The following TRAK1 variants were observed in gnomAD, a reference collection of about 807,000 sequenced individuals.
TRAK1 encodes trafficking kinesin-binding protein 1.
TRAK1 carries 33 observed loss-of-function variants against 92.1 expected under a neutral mutation model. The observed-to-expected ratio is 0.36, with a 90% CI of 0.27 to 0.48. TRAK1 has a LOEUF of 0.48. Among genes scored for constraint, TRAK1 ranks in the 20% least tolerant of loss-of-function variants. TRAK1 has a pLI of 0.99. For synonymous variants in TRAK1, 521 were observed against 517.3 expected, an observed-to-expected ratio of 1.01 and a Z score of -0.10; for missense variants, 1,123 against 1,257.9, an observed-to-expected ratio of 0.89 and a Z score of 1.62.
At chr3:42,147,072 A>C (rs866252241) in intron 2 of TRAK1, among the ~76,000 whole-genome samples, 4 of 152,052 alleles carry the variant, frequency 2.6e-5, no homozygotes, top group Non-Finnish European at 5.9e-5. Flanking sequence ...TGAACATCTG[A>C]GGGGCTGTTT....
chr3:42,082,676 A>C (rs1386845851), upstream of TRAK1, among the ~76,000 whole-genome samples: 1 of 152,058 alleles, frequency 6.6e-6, no homozygotes, highest in Non-Finnish European at 1.5e-5. Flanking sequence ...AACACAAAAA[A>C]CCAAAATCAT....
At chr3:42,053,819 T>A (rs1203086055) in intron 1 of TRAK1, among the ~76,000 whole-genome samples, 3 of 152,290 alleles carry the variant, frequency 2.0e-5, no homozygotes, top group East Asian at 3.9e-4. Flanking sequence ...CTTTTTCTGT[T>A]ACCTTTGATG....
chr3:42,110,132 A>ATATATATATATATAT (rs58099544), intron 1 of TRAK1, among the ~76,000 whole-genome samples: 207 of 127,982 alleles, frequency 1.6e-3, no homozygotes, highest in Middle Eastern at 4.3e-3. Flanking sequence ...ATATATATAT[A>ATATATATATATATAT]AACTTTGTGT....
At position 42,223,850 on chromosome 3, in the gene TRAK1, C is replaced by G; in HGVS notation, c.*113C>G. The G allele has an allele frequency of 2.4e-6, 3 of 1,241,382 alleles. No homozygotes were observed. Among genetic ancestry groups the G allele is most frequent in the Non-Finnish European group, 2.2e-6 (2 of 890,782 alleles). 76.9% of individuals were successfully genotyped at this position (1,241,382 alleles called of 1,614,324 possible). ...CCTCCCTCTGCCCTTCTCTGTCCAC[C>G]CCCTCCTAAGCTAGACAAATCAACC... On this transcript the variant is annotated 3_prime_UTR_variant, in exon 16 of 16. Coordinates refer to ENST00000327628, the MANE Select transcript of TRAK1 (RefSeq NM_001042646.3). The surrounding 1 kb of genome is among the most constrained non-coding windows in gnomAD (Gnocchi z 6.1).
chr3:42,134,488 G>A (rs1236923279), intron 2 of TRAK1, among the ~76,000 whole-genome samples: 3 of 151,014 alleles, frequency 2.0e-5, no homozygotes, highest in African/African-American at 4.9e-5. Context: ...ATGTTGCCTC[G>A]GCTGTCTCAC....
In TRAK1 at chr3:42,219,592, C is replaced by A. The variant is rs1400618813; in HGVS notation, c.2062C>A (p.Pro688Thr). ...TTCAGATGAGCTCACTCGGGTCACA[C>A]CAAGGTAAGGGACCCTGGCTTTGGG... ...HPSDELTRVT[P>T]SLNSAPTPAC... The change falls in exon 15 of 16, where the codon CCA (proline) becomes ACA (threonine). Residue 688 changes from proline to threonine, a missense_variant. By Grantham distance (38) the Pro-to-Thr change is conservative. This residue lies in a region of TRAK1 where 401 missense variants were observed against 438.9 expected (regional missense o/e 0.91). Transcript: ENST00000327628. The A allele has an allele frequency of 6.2e-7, 1 of 1,613,038 alleles. No homozygotes were observed. Among genetic ancestry groups the A allele is most frequent in the Non-Finnish European group, 8.5e-7 (1 of 1,179,466 alleles).
At chr3:42,070,488 C>T (rs1018550219) in intron 1 of TRAK1, among the ~76,000 whole-genome samples, 4 of 151,958 alleles carry the variant, frequency 2.6e-5, no homozygotes, top group Non-Finnish European at 2.9e-5. Flanking sequence ...AGTGTGGTGG[C>T]GCCATCATGG....
chr3:42,113,785 C>T (rs1708804587), intron 1 of TRAK1, among the ~76,000 whole-genome samples: 1 of 151,744 alleles, frequency 6.6e-6, no homozygotes, highest in Non-Finnish European at 1.5e-5. Flanking sequence ...AACTCCAGGG[C>T]TCAAGTGATC....
At chr3:42,134,578 CTTT>C (rs547455969) in intron 2 of TRAK1, among the ~76,000 whole-genome samples, 1 of 76,434 alleles carries the variant, frequency 1.3e-5, no homozygotes, top group Non-Finnish European at 2.4e-5. Flanking sequence ...TGCCTGGTCT[CTTT>C]TTTTTTTTTT....
rs150458987 is a variant in TRAK1 at position 42,143,054 on chromosome 3, T to C, written c.286+17440T>C. Among the ~76,000 whole-genome samples, 21 of 152,332 alleles carry C rather than the reference T, an allele frequency of 1.4e-4. No individual in the cohort carries two copies. In the East Asian group the frequency reaches 3.7e-3, roughly 27 times the overall value. On this transcript the variant is annotated intron_variant, in intron 2 of 15. Coordinates refer to ENST00000327628, the MANE Select transcript of TRAK1 (RefSeq NM_001042646.3). Reference sequence around the variant, plus strand: ...CAAGGAGCCCTGTTAAGGTCTAACCTAAATCTGGGCACCAGAATGTTGACT... The same window carrying C: ...CAAGGAGCCCTGTTAAGGTCTAACCCAAATCTGGGCACCAGAATGTTGACT...
chr3:42,171,189 C>G (rs576676444), intron 2 of TRAK1, among the ~76,000 whole-genome samples: 125 of 152,066 alleles, frequency 8.2e-4, no homozygotes, highest in African/African-American at 2.7e-3. Flanking sequence ...GGAGGTTTTT[C>G]TTTTTATATG....
At chr3:42,152,210 G>GC (rs1397515232) in intron 2 of TRAK1, among the ~76,000 whole-genome samples, 7 of 152,086 alleles carry the variant, frequency 4.6e-5, no homozygotes, top group Admixed American at 2.0e-4. Context: ...CTGCTCCCCC[G>GC]CCCCCAGAGG....
At chr3:42,121,336 T>G (rs910518445) in intron 1 of TRAK1, among the ~76,000 whole-genome samples, 11 of 149,818 alleles carry the variant, frequency 7.3e-5, no homozygotes, top group African/African-American at 2.5e-4. Context: ...CTCGGCTCAC[T>G]GCAAGCTCCG....
chr3:42,110,667 G>T (rs1708266395), intron 1 of TRAK1, among the ~76,000 whole-genome samples: 1 of 152,152 alleles, frequency 6.6e-6, no homozygotes, highest in Non-Finnish European at 1.5e-5. Context: ...CAAGCTTTTT[G>T]TGGCCCAGGA....
chr3:42,091,406 G>C lies in TRAK1; in HGVS notation c.-64G>C, dbSNP rs1046002208. The C allele has an allele frequency of 7.3e-6, 11 of 1,499,764 alleles. No homozygotes were observed. The East Asian group carries it at 1.1e-4, about 16-fold the overall frequency. 92.9% of individuals were successfully genotyped at this position (1,499,764 alleles called of 1,614,324 possible). A position where few individuals can be genotyped will look rare whatever the true frequency, so the allele number is the denominator to read the frequency against. ...GAGGGTGGCTGTGCGAGGTACTGCC[G>C]GGGCTGAGCTCTCATGGAGGCTCTC... On this transcript the variant is annotated 5_prime_UTR_variant, in exon 1 of 16. Transcript: ENST00000327628.
At chr3:42,169,173 C>T (rs1702239256) in intron 2 of TRAK1, among the ~76,000 whole-genome samples, 1 of 150,170 alleles carries the variant, frequency 6.7e-6, no homozygotes. Context: ...ATCTATCTAT[C>T]TCTATAATTT....
At chr3:42,182,299 CTTTTTT>C (rs57384116) in intron 3 of TRAK1, among the ~76,000 whole-genome samples, 1 of 144,290 alleles carries the variant, frequency 6.9e-6, no homozygotes, top group African/African-American at 2.6e-5. Flanking sequence ...GCAACTCTCT[CTTTTTT>C]TTTTTTTTTC....
At chr3:42,023,640 T>C (rs1049881253) in intron 1 of TRAK1, among the ~76,000 whole-genome samples, 2 of 151,512 alleles carry the variant, frequency 1.3e-5, no homozygotes, top group African/African-American at 4.9e-5. Flanking sequence ...GAGTGAAGGA[T>C]AAGGCTGAGG....
upstream of TRAK1, among the ~76,000 whole-genome samples, chr3:42,083,053 C>T (rs1227693934): frequency 6.6e-6 from 1 of 152,152 alleles, no homozygotes; most frequent in African/African-American, 2.4e-5. Context: ...TATACTTGAG[C>T]CCGAGAGCTA....
Sources: allele counts gnomAD v4.1 joint callset (sites outside exome capture counted in the v4.1 genomes callset), GRCh38; gene constraint gnomAD v4.1.1; regional missense constraint gnomAD v4.1.1; non-coding constraint Gnocchi (gnomAD v3.1); transcripts MANE v1.5; gene names NCBI Gene and HGNC (gene_info 2026-07-23, HGNC 2026-07-21).